Variants in CIMAP2 observed in about 807,000 individuals in gnomAD.
CIMAP2 encodes the protein ciliary microtubule-associated protein 2.
chr1:54,808,374 C>T, the CIMAP2 span, among the ~76,000 whole-genome samples: 77 of 152,152 alleles, frequency 5.1e-4, 1 homozygote, highest in East Asian at 2.1e-3. Context: ...ACCTACAGGT[C>T]GTGAGCAACG....
chr1:54,826,518 C>T, the CIMAP2 span, among the ~76,000 whole-genome samples: 5 of 152,304 alleles, frequency 3.3e-5, no homozygotes, highest in South Asian at 8.3e-4. Context: ...GGACTGGGCT[C>T]TCAAAATGGT....
chr1:54,811,969 G>A, the CIMAP2 span: 16 of 1,613,910 alleles, frequency 9.9e-6, no homozygotes, highest in South Asian at 2.2e-5. Flanking sequence ...CTGCCTTCCC[G>A]TCCTGCAGGG....
chr1:54,812,415 C>T, the CIMAP2 span, among the ~76,000 whole-genome samples: 4 of 152,340 alleles, frequency 2.6e-5, no homozygotes, highest in African/African-American at 9.6e-5. Context: ...GATTTGAACC[C>T]AAGGACGTCT....
the CIMAP2 span, among the ~76,000 whole-genome samples, chr1:54,814,266 C>T: frequency 3.3e-5 from 5 of 152,214 alleles, no homozygotes; most frequent in Non-Finnish European, 7.3e-5. Context: ...CAGCCAGTGC[C>T]GACCTTCCCC....
chr1:54,818,774 G>A, the CIMAP2 span, among the ~76,000 whole-genome samples: 2 of 151,750 alleles, frequency 1.3e-5, no homozygotes, highest in Non-Finnish European at 1.5e-5. Context: ...GTTATTTTTT[G>A]TAGAGGCCAG....
the CIMAP2 span, among the ~76,000 whole-genome samples, chr1:54,839,554 T>C: frequency 6.6e-6 from 1 of 151,460 alleles, no homozygotes; most frequent in Admixed American, 6.6e-5. Context: ...ATTTTTGTAT[T>C]TGTAGTAGAG....
At chr1:54,821,013 C>A in the CIMAP2 span, among the ~76,000 whole-genome samples, 1 of 152,132 alleles carries the variant, frequency 6.6e-6, no homozygotes, top group Non-Finnish European at 1.5e-5. Flanking sequence ...AGGTGATCCG[C>A]CCACCTTGGC....
the CIMAP2 span, chr1:54,811,765 G>GCGGGGGGGGGGGCCCCCCCCCCCCC: frequency 2.3e-6 from 3 of 1,301,330 alleles, no homozygotes; most frequent in South Asian, 1.2e-5. Context: ...GGTTCTGACA[G>GCGGGGGGGGGGGCCCCCCCCCCCCC]CCTCCATGCC....
chr1:54,839,976 C>G, the CIMAP2 span, among the ~76,000 whole-genome samples: 2 of 151,854 alleles, frequency 1.3e-5, no homozygotes, highest in Non-Finnish European at 2.9e-5. Flanking sequence ...TCTTGAGCAC[C>G]TGGGCTCAAG....
At chr1:54,816,949 C>T in the CIMAP2 span, 2 of 1,612,522 alleles carry the variant, frequency 1.2e-6, no homozygotes, top group East Asian at 4.5e-5. Flanking sequence ...AGTCTCCAAG[C>T]CAGGCTTGCT....
the CIMAP2 span, chr1:54,811,807 G>C: frequency 1.7e-6 from 2 of 1,196,244 alleles, no homozygotes; most frequent in Middle Eastern, 2.4e-4. Flanking sequence ...TACTATCCAG[G>C]CCCTGGAAAT....
the CIMAP2 span, chr1:54,807,806 G>A: frequency 4.0e-6 from 6 of 1,512,450 alleles, no homozygotes; most frequent in Non-Finnish European, 5.3e-6. Context: ...TATCCTTTAA[G>A]GAACACCATC....
the CIMAP2 span, among the ~76,000 whole-genome samples, chr1:54,818,656 A>G: frequency 1.3e-5 from 2 of 152,042 alleles, no homozygotes; most frequent in Non-Finnish European, 2.9e-5. Context: ...CAGTGATGCA[A>G]TCTTGGCTCA....
At chr1:54,806,078 C>T in the CIMAP2 span, 8,353 of 1,487,774 alleles carry the variant, frequency 5.6e-3, 30 homozygotes, top group Non-Finnish European at 6.6e-3. Flanking sequence ...GCCCGGGTTG[C>T]CGTGGCAGCA....
the CIMAP2 span, chr1:54,811,765 G>GCCGGCCGGGCGGGGCCCCCC: frequency 7.7e-7 from 1 of 1,301,332 alleles, no homozygotes; most frequent in Non-Finnish European, 1.1e-6. Flanking sequence ...GGTTCTGACA[G>GCCGGCCGGGCGGGGCCCCCC]CCTCCATGCC....
the CIMAP2 span, among the ~76,000 whole-genome samples, chr1:54,829,239 C>G: frequency 6.6e-6 from 1 of 152,206 alleles, no homozygotes; most frequent in Non-Finnish European, 1.5e-5. Flanking sequence ...CCTTTTAGAC[C>G]CATCTCCAAC....
chr1:54,836,566 T>C, the CIMAP2 span, among the ~76,000 whole-genome samples: 1 of 151,042 alleles, frequency 6.6e-6, no homozygotes. Flanking sequence ...TTTAATTGAA[T>C]TTAGTGGACA....
the CIMAP2 span, chr1:54,811,765 G>GCCGGCGGGGGGGCGGGCCCCCCCCCC: frequency 7.7e-7 from 1 of 1,301,332 alleles, no homozygotes; most frequent in Non-Finnish European, 1.1e-6. Context: ...GGTTCTGACA[G>GCCGGCGGGGGGGCGGGCCCCCCCCCC]CCTCCATGCC....
the CIMAP2 span, among the ~76,000 whole-genome samples, chr1:54,820,750 C>T: frequency 5.5e-3 from 839 of 152,132 alleles, 5 homozygotes; most frequent in Middle Eastern, 0.017. Context: ...GAAATGCCTA[C>T]TCATGTCCTT....
Sources: gnomAD v4.1 joint callset for allele counts (sites outside exome capture counted in the v4.1 genomes callset) on GRCh38, gnomAD v4.1.1 for gene constraint, MANE v1.5 for transcripts, NCBI Gene and HGNC (gene_info 2026-07-23, HGNC 2026-07-21) for gene names.